The following GNAQ variants were observed in gnomAD, a reference collection of about 807,000 sequenced individuals.
GNAQ encodes the protein G protein subunit alpha q.
In GNAQ, 8 loss-of-function variants were observed where a neutral mutation model predicts 43.9. The ratio of observed to expected loss-of-function variants is 0.18; its 90% CI spans 0.11 to 0.33. GNAQ has a LOEUF of 0.33. Among genes scored for constraint, GNAQ ranks in the 10% least tolerant of loss-of-function variants. GNAQ has a pLI of 1.00. For missense variants in GNAQ, 158 were observed against 450.8 expected (o/e 0.35, Z 5.88); for synonymous variants, 155 against 170.7 (o/e 0.91, Z 0.71).
At chr9:77,849,998 G>C (rs900316285) in intron 2 of GNAQ, among the ~76,000 whole-genome samples, 2 of 152,134 alleles carry the variant, frequency 1.3e-5, no homozygotes, top group African/African-American at 4.8e-5. Flanking sequence ...ACGTTCTTCT[G>C]TGATTTTCTG....
chr9:77,889,437 A>G (rs1828366258), intron 2 of GNAQ, among the ~76,000 whole-genome samples: 1 of 128,080 alleles, frequency 7.8e-6, no homozygotes, highest in Non-Finnish European at 1.7e-5. Context: ...AAAAAAAAAA[A>G]AAAAAAAAAA....
At chr9:77,859,168 G>A (rs529450447) in intron 2 of GNAQ, among the ~76,000 whole-genome samples, 28 of 152,034 alleles carry the variant, frequency 1.8e-4, no homozygotes, top group Non-Finnish European at 3.2e-4. Flanking sequence ...AATTTTCTCT[G>A]GTCTCCTTTG....
intron 2 of GNAQ, among the ~76,000 whole-genome samples, chr9:77,846,612 C>T (rs934813792): frequency 5.9e-5 from 9 of 151,934 alleles, no homozygotes; most frequent in South Asian, 2.1e-4. Context: ...GGGAGATGGC[C>T]GAACTGTTTA....
chr9:77,802,705 A>G (rs1826765627), intron 3 of GNAQ, among the ~76,000 whole-genome samples: 1 of 152,124 alleles, frequency 6.6e-6, no homozygotes, highest in Admixed American at 6.5e-5. Context: ...TACATTTCCA[A>G]GGCAATGTAT....
intron 6 of GNAQ, among the ~76,000 whole-genome samples, chr9:77,724,594 T>G (rs1226627555): frequency 6.6e-6 from 1 of 152,208 alleles, no homozygotes; most frequent in African/African-American, 2.4e-5. Context: ...TCTAACAAAA[T>G]GCACCCTGAG....
chr9:77,737,090 G>A (rs1469336622), intron 5 of GNAQ, among the ~76,000 whole-genome samples: 1 of 152,094 alleles, frequency 6.6e-6, no homozygotes, highest in Non-Finnish European at 1.5e-5. Flanking sequence ...TGAGAGTCAG[G>A]TATTTAACGG....
intron 2 of GNAQ, among the ~76,000 whole-genome samples, chr9:77,828,050 A>ACTC (rs765894307): frequency 1.0e-4 from 11 of 110,410 alleles, no homozygotes; most frequent in Non-Finnish European, 1.2e-4. Context: ...ACAGAGTGAG[A>ACTC]CTCCTCCTCA....
At chr9:77,970,133 C>T (rs1321422891) in intron 1 of GNAQ, among the ~76,000 whole-genome samples, 3 of 151,898 alleles carry the variant, frequency 2.0e-5, no homozygotes, top group Non-Finnish European at 4.4e-5. Context: ...ACAGAAGAAT[C>T]GCTTGAACCC....
chr9:77,839,062 C>T (rs532974315), intron 2 of GNAQ, among the ~76,000 whole-genome samples: 18 of 152,280 alleles, frequency 1.2e-4, no homozygotes, highest in African/African-American at 4.1e-4. Flanking sequence ...TGGGAACTGC[C>T]TCTTTCCCTT....
intron 1 of GNAQ, among the ~76,000 whole-genome samples, chr9:77,932,237 A>T (rs1420503097): frequency 6.6e-6 from 1 of 152,134 alleles, no homozygotes; most frequent in Non-Finnish European, 1.5e-5. Context: ...TTAAATTCAT[A>T]GTGTTTGGAG....
chr9:77,731,322 G>A (rs1305302795), intron 5 of GNAQ, among the ~76,000 whole-genome samples: 1 of 152,160 alleles, frequency 6.6e-6, no homozygotes, highest in Non-Finnish European at 1.5e-5. Flanking sequence ...GAGCCCGACT[G>A]AGCCCAGCAT....
chr9:77,948,241 G>A (rs1822928714), intron 1 of GNAQ, among the ~76,000 whole-genome samples: 1 of 152,200 alleles, frequency 6.6e-6, no homozygotes, highest in Non-Finnish European at 1.5e-5. Flanking sequence ...TCCTCAGAGG[G>A]CCTAAATGTA....
intron 2 of GNAQ, among the ~76,000 whole-genome samples, chr9:77,865,725 C>T (rs1827937670): frequency 6.6e-6 from 1 of 152,202 alleles, no homozygotes; most frequent in African/African-American, 2.4e-5. Context: ...TCTCAGCTTT[C>T]TTTCACCCGT....
chr9:77,844,984 C>A (rs1383122039), intron 2 of GNAQ, among the ~76,000 whole-genome samples: 3 of 152,132 alleles, frequency 2.0e-5, no homozygotes, highest in African/African-American at 7.2e-5. Flanking sequence ...AATTAGAAAT[C>A]TTTTTAAAAA....
intron 2 of GNAQ, among the ~76,000 whole-genome samples, chr9:77,853,003 A>C (rs1827694799): frequency 6.6e-6 from 1 of 152,204 alleles, no homozygotes; most frequent in Admixed American, 6.5e-5. Flanking sequence ...GTCCAGATGG[A>C]GAAAAGAACA....
chr9:77,793,952 A>G (rs951376243), intron 5 of GNAQ, among the ~76,000 whole-genome samples: 2 of 152,182 alleles, frequency 1.3e-5, no homozygotes, highest in Non-Finnish European at 2.9e-5. Flanking sequence ...AGAGAATTCT[A>G]TAAGAGCAGA....
chr9:77,981,243 C>T (rs115521883), intron 1 of GNAQ, among the ~76,000 whole-genome samples: 1 of 152,228 alleles, frequency 6.6e-6, no homozygotes, highest in South Asian at 2.1e-4. Flanking sequence ...TTCTGCCATA[C>T]ATAGTATTTC....
intron 2 of GNAQ, among the ~76,000 whole-genome samples, chr9:77,879,828 A>G (rs907349913): frequency 1.3e-5 from 2 of 152,224 alleles, no homozygotes; most frequent in African/African-American, 4.8e-5. Flanking sequence ...ATCTCACCTA[A>G]CCAGTTCACT....
intron 2 of GNAQ, among the ~76,000 whole-genome samples, chr9:77,917,329 A>C (rs1366169865): frequency 6.6e-6 from 1 of 152,024 alleles, no homozygotes; most frequent in Non-Finnish European, 1.5e-5. Context: ...CAAAGCAAAG[A>C]TCCATCAGAA....
Sources: gnomAD v4.1 joint callset for allele counts (sites outside exome capture counted in the v4.1 genomes callset) on GRCh38, gnomAD v4.1.1 for gene constraint, MANE v1.5 for transcripts, NCBI Gene and HGNC (gene_info 2026-07-23, HGNC 2026-07-21) for gene names.